The following HCN1 variants were observed in gnomAD, a reference collection of about 807,000 sequenced individuals.
The protein encoded by HCN1 is hyperpolarization activated cyclic nucleotide gated potassium channel 1, also known as potassium/sodium hyperpolarization-activated cyclic nucleotide-gated channel 1.
HCN1 carries 13 observed loss-of-function variants against 78.9 expected under a neutral mutation model. The observed-to-expected ratio is 0.16, with a 90% CI of 0.11 to 0.26. HCN1 has a LOEUF of 0.26. HCN1 is among the 10% of genes least tolerant of loss of function. The pLI is 1.00. For missense variants in HCN1, 810 were observed against 1,154.3 expected (o/e 0.70, Z 4.32); for synonymous variants, 552 against 455.5 (o/e 1.21, Z -2.70).
chr5:45,369,114 GAGGACA>G (rs1317434128), intron 4 of HCN1, among the ~76,000 whole-genome samples: 1 of 150,148 alleles, frequency 6.7e-6, no homozygotes, highest in African/African-American at 2.5e-5. Flanking sequence ...TTTTTTCACT[GAGGACA>G]ATGTTTCCAA....
At chr5:45,483,353 T>C (rs1741692927) in intron 2 of HCN1, among the ~76,000 whole-genome samples, 1 of 152,232 alleles carries the variant, frequency 6.6e-6, no homozygotes, top group Admixed American at 6.5e-5. Context: ...CATTGTGGTC[T>C]TGACTTGCAT....
chr5:45,667,377 C>T (rs1367024520), intron 1 of HCN1, among the ~76,000 whole-genome samples: 1 of 151,818 alleles, frequency 6.6e-6, no homozygotes, highest in Non-Finnish European at 1.5e-5. Flanking sequence ...GTTTCCTATA[C>T]TATTCATTCT....
intron 2 of HCN1, among the ~76,000 whole-genome samples, chr5:45,640,866 A>T (rs1745442405): frequency 6.6e-6 from 1 of 152,090 alleles, no homozygotes; most frequent in African/African-American, 2.4e-5. Flanking sequence ...TAGAAAAAAA[A>T]AAAAAAAAGC....
chr5:45,623,882 G>A (rs149096310), intron 2 of HCN1, among the ~76,000 whole-genome samples: 259 of 152,302 alleles, frequency 1.7e-3, no homozygotes, highest in African/African-American at 5.6e-3. Flanking sequence ...ATATAAAGTA[G>A]TCAAGGAAGA....
chr5:45,624,543 G>A (rs1473438361), intron 2 of HCN1, among the ~76,000 whole-genome samples: 1 of 152,120 alleles, frequency 6.6e-6, no homozygotes, highest in East Asian at 1.9e-4. Context: ...AAGGGCTACA[G>A]GTGAAGCATT....
chr5:45,573,707 A>T (rs138428005), intron 2 of HCN1, among the ~76,000 whole-genome samples: 2 of 152,058 alleles, frequency 1.3e-5, no homozygotes, highest in African/African-American at 2.4e-5. Flanking sequence ...GGTTGAAAAT[A>T]TTGAGATGAT....
intron 1 of HCN1, among the ~76,000 whole-genome samples, chr5:45,691,614 T>A (rs950280779): frequency 1.3e-5 from 2 of 152,180 alleles, no homozygotes; most frequent in Admixed American, 6.5e-5. Flanking sequence ...GCTATGTTGA[T>A]ATGAAAAGCA....
chr5:45,516,681 C>T (rs547539349), intron 2 of HCN1, among the ~76,000 whole-genome samples: 1 of 151,996 alleles, frequency 6.6e-6, no homozygotes, highest in South Asian at 2.1e-4. Flanking sequence ...GAATAGTCCA[C>T]CATAGAAAAA....
intron 1 of HCN1, among the ~76,000 whole-genome samples, chr5:45,694,311 A>G (rs1351587966): frequency 6.6e-6 from 1 of 152,166 alleles, no homozygotes; most frequent in Non-Finnish European, 1.5e-5. Context: ...TTAAAATTAT[A>G]CACTTTCTAA....
intron 5 of HCN1, among the ~76,000 whole-genome samples, chr5:45,320,259 T>G (rs565950207): frequency 6.6e-6 from 1 of 151,958 alleles, no homozygotes; most frequent in Admixed American, 6.6e-5. Context: ...ACATGACACC[T>G]CATCTCCTAG....
intron 2 of HCN1, among the ~76,000 whole-genome samples, chr5:45,608,546 G>T (rs1412039684): frequency 1.3e-5 from 2 of 151,864 alleles, no homozygotes; most frequent in Admixed American, 1.3e-4. Context: ...AGTTAGTTTG[G>T]TGTTAGCACA....
chr5:45,412,603 T>A (rs933362265), intron 3 of HCN1, among the ~76,000 whole-genome samples: 4 of 152,116 alleles, frequency 2.6e-5, no homozygotes, highest in Admixed American at 2.0e-4. Context: ...CTTCTCTCTA[T>A]TTACATAAGA....
chr5:45,527,362 A>G (rs1195129648), intron 2 of HCN1, among the ~76,000 whole-genome samples: 1 of 8,940 alleles, frequency 1.1e-4, no homozygotes, highest in East Asian at 0.12. Context: ...AGCTTATACC[A>G]TGTTATCATC....
chr5:45,555,577 G>A (rs1743452916), intron 2 of HCN1, among the ~76,000 whole-genome samples: 1 of 151,576 alleles, frequency 6.6e-6, no homozygotes, highest in Non-Finnish European at 1.5e-5. Context: ...CATACACAGA[G>A]ACACTAGCCA....
chr5:45,256,021 T>G lies in HCN1; in HGVS notation c.*5900A>C, dbSNP rs1744604395. 1 of 152,160 alleles carries G rather than the reference T, an allele frequency of 6.6e-6. No homozygotes were observed. Among genetic ancestry groups the G allele is most frequent in the African/African-American group, 2.4e-5 (1 of 41,440 alleles). 9.4% of individuals were successfully genotyped at this position (152,160 alleles called of 1,614,324 possible). ...ACTAATTTATTCAGATTTCTTCAAT[T>G]GAATGAATCAATAGTATTCTCTGCT... On this transcript the variant is annotated 3_prime_UTR_variant, in exon 8 of 8. Transcript: ENST00000303230.
intron 5 of HCN1, among the ~76,000 whole-genome samples, chr5:45,313,876 C>A (rs977565204): frequency 2.0e-5 from 3 of 151,940 alleles, no homozygotes; most frequent in African/African-American, 2.4e-5. Flanking sequence ...GTGAAAAGAC[C>A]AAATCTACAT....
chr5:45,483,941 T>C (rs945893907), intron 2 of HCN1, among the ~76,000 whole-genome samples: 7 of 152,196 alleles, frequency 4.6e-5, no homozygotes, highest in Non-Finnish European at 8.8e-5. Flanking sequence ...TGTGCAACTT[T>C]ATTTCCAAGT....
At chr5:45,689,031 T>C (rs1195763478) in intron 1 of HCN1, among the ~76,000 whole-genome samples, 1 of 152,090 alleles carries the variant, frequency 6.6e-6, no homozygotes, top group Non-Finnish European at 1.5e-5. Flanking sequence ...ATGGGGTTTC[T>C]CCTTAGGATG....
chr5:45,498,560 C>T (rs983917759), intron 2 of HCN1, among the ~76,000 whole-genome samples: 13 of 152,262 alleles, frequency 8.5e-5, no homozygotes, highest in Admixed American at 6.5e-4. Context: ...GTAATTTGAT[C>T]GTCTGAAGCC....
Sources: allele counts gnomAD v4.1 joint callset (sites outside exome capture counted in the v4.1 genomes callset), GRCh38; gene constraint gnomAD v4.1.1; transcripts MANE v1.5; gene names NCBI Gene and HGNC (gene_info 2026-07-23, HGNC 2026-07-21).